Variants in AGBL4 observed in about 807,000 individuals in gnomAD.
The protein encoded by AGBL4 is cytosolic carboxypeptidase 6.
AGBL4 carries 58 observed loss-of-function variants against 66.4 expected under a neutral mutation model. The ratio of observed to expected loss-of-function variants is 0.87; its 90% CI spans 0.71 to 1.09. AGBL4 has a LOEUF of 1.09. Ranked by LOEUF, AGBL4 falls within the 50% of genes least tolerant of loss-of-function variation. The pLI, the probability that AGBL4 is intolerant of heterozygous loss-of-function variation, is 0.00. For synonymous variants in AGBL4, 234 were observed against 222.9 expected (o/e 1.05, Z -0.44); for missense variants, 579 against 631.0 (o/e 0.92, Z 0.88).
chr1:49,402,158 C>T (rs1444312417), intron 3 of AGBL4, among the ~76,000 whole-genome samples: 2 of 151,790 alleles, frequency 1.3e-5, no homozygotes, highest in Non-Finnish European at 2.9e-5. Flanking sequence ...GTGTTGTTTT[C>T]TTTATTTCAA....
intron 6 of AGBL4, among the ~76,000 whole-genome samples, chr1:48,785,351 C>A (rs1645384873): frequency 6.6e-6 from 1 of 152,154 alleles, no homozygotes; most frequent in Admixed American, 6.5e-5. Flanking sequence ...TGAATGAGTG[C>A]ATGTCTGAAA....
At chr1:49,888,230 T>C (rs1648270008) in intron 1 of AGBL4, among the ~76,000 whole-genome samples, 2 of 152,134 alleles carry the variant, frequency 1.3e-5, no homozygotes, top group African/African-American at 4.8e-5. Flanking sequence ...AAAAAAGTAA[T>C]CTCAAAGTTT....
At chr1:49,737,185 A>G (rs1649965924) in intron 2 of AGBL4, among the ~76,000 whole-genome samples, 1 of 152,210 alleles carries the variant, frequency 6.6e-6, no homozygotes, top group South Asian at 2.1e-4. Context: ...ATTCCTGGGT[A>G]TATACTCAAA....
At chr1:48,889,489 A>G (rs539428887) in intron 5 of AGBL4, among the ~76,000 whole-genome samples, 3 of 152,242 alleles carry the variant, frequency 2.0e-5, no homozygotes, top group Non-Finnish European at 4.4e-5. Context: ...ATTAGAAACT[A>G]TATTTGGATT....
intron 3 of AGBL4, among the ~76,000 whole-genome samples, chr1:49,523,383 A>G (rs1650415426): frequency 6.6e-6 from 1 of 152,028 alleles, no homozygotes. Context: ...TCTCAGATCA[A>G]TTTCCCCATT....
At chr1:48,762,367 G>C (rs1231838263) in intron 6 of AGBL4, among the ~76,000 whole-genome samples, 1 of 152,158 alleles carries the variant, frequency 6.6e-6, no homozygotes, top group Non-Finnish European at 1.5e-5. Flanking sequence ...GTCTCTCACT[G>C]GATATGTTCA....
chr1:49,730,066 C>A (rs1162720469), intron 2 of AGBL4, among the ~76,000 whole-genome samples: 1 of 152,164 alleles, frequency 6.6e-6, no homozygotes, highest in East Asian at 1.9e-4. Context: ...ACAGCTGGGG[C>A]CTCCTGATTC....
intron 1 of AGBL4, among the ~76,000 whole-genome samples, chr1:49,970,451 C>A (rs192854400): frequency 4.5e-4 from 68 of 152,078 alleles, no homozygotes; most frequent in Non-Finnish European, 8.1e-4. Flanking sequence ...AAATGAATAA[C>A]CATTTTGCCA....
At chr1:49,204,126 G>A (rs1647941372) in intron 4 of AGBL4, among the ~76,000 whole-genome samples, 1 of 152,128 alleles carries the variant, frequency 6.6e-6, no homozygotes, top group South Asian at 2.1e-4. Context: ...GGCCAAGTAG[G>A]AGACAGACTT....
At chr1:49,429,175 A>G (rs533917816) in intron 3 of AGBL4, among the ~76,000 whole-genome samples, 68 of 152,362 alleles carry the variant, frequency 4.5e-4, no homozygotes, top group African/African-American at 1.6e-3. Flanking sequence ...AAAGAGCCAG[A>G]TGATAAATAT....
At chr1:49,817,038 T>C (rs1247290751) in intron 2 of AGBL4, among the ~76,000 whole-genome samples, 3 of 152,190 alleles carry the variant, frequency 2.0e-5, no homozygotes, top group African/African-American at 7.2e-5. Context: ...GAATCTCTCC[T>C]ACCCACATCC....
At chr1:49,414,231 T>C (rs1245275882) in intron 3 of AGBL4, among the ~76,000 whole-genome samples, 1 of 152,186 alleles carries the variant, frequency 6.6e-6, no homozygotes, top group Non-Finnish European at 1.5e-5. Context: ...TAGTGCTATA[T>C]TGAACTCACA....
chr1:48,949,224 C>T (rs1218056245), intron 5 of AGBL4, among the ~76,000 whole-genome samples: 1 of 152,168 alleles, frequency 6.6e-6, no homozygotes, highest in African/African-American at 2.4e-5. Context: ...GCACTTTTCC[C>T]TCACCTCTGC....
chr1:49,654,572 G>A (rs1033645792), intron 3 of AGBL4, among the ~76,000 whole-genome samples: 2 of 152,080 alleles, frequency 1.3e-5, no homozygotes, highest in Admixed American at 1.3e-4. Flanking sequence ...CTCTTTGTAG[G>A]TCTCTAAGGA....
At position 48,648,608 on chromosome 1, in the gene AGBL4, G is replaced by A. The variant is rs115173054; in HGVS notation, c.839+4729C>T. On this transcript the variant is annotated intron_variant, in intron 8 of 13. Transcript: ENST00000371839. Reference sequence around the variant, plus strand: ...CAAAGGCAATGTGCGGGAGTGTGGCGAGTCCCTGGATGTACCCTATGGCCT... The same window carrying A: ...CAAAGGCAATGTGCGGGAGTGTGGCAAGTCCCTGGATGTACCCTATGGCCT... Among the ~76,000 whole-genome samples the A allele has an allele frequency of 3.0e-3, 457 of 152,264 alleles. 2 individuals are homozygous for A. The highest frequency in any genetic ancestry group is 0.011 in the African/African-American group (440 of 41,544).
intron 3 of AGBL4, among the ~76,000 whole-genome samples, chr1:49,401,525 T>A (rs1377410105): frequency 6.6e-6 from 1 of 152,224 alleles, no homozygotes; most frequent in Non-Finnish European, 1.5e-5. Flanking sequence ...TACTTGTTCA[T>A]GACGAATGAA....
At chr1:49,769,504 C>T (rs1047624009) in intron 2 of AGBL4, among the ~76,000 whole-genome samples, 3 of 152,070 alleles carry the variant, frequency 2.0e-5, no homozygotes, top group African/African-American at 7.2e-5. Flanking sequence ...GCCTGAATAG[C>T]CAAGCAATTC....
intron 4 of AGBL4, among the ~76,000 whole-genome samples, chr1:49,149,772 G>C (rs957796146): frequency 6.6e-6 from 1 of 152,162 alleles, no homozygotes; most frequent in Non-Finnish European, 1.5e-5. Context: ...GAGGCAAGAA[G>C]ACCTATATTG....
At chr1:49,657,754 G>C (rs1571269316) in intron 3 of AGBL4, among the ~76,000 whole-genome samples, 1 of 152,118 alleles carries the variant, frequency 6.6e-6, no homozygotes, top group Non-Finnish European at 1.5e-5. Flanking sequence ...ACAAGCAATG[G>C]GGAAAGGATT....
Sources: gnomAD v4.1 joint callset for allele counts (sites outside exome capture counted in the v4.1 genomes callset) on GRCh38, gnomAD v4.1.1 for gene constraint, MANE v1.5 for transcripts, NCBI Gene and HGNC (gene_info 2026-07-23, HGNC 2026-07-21) for gene names.